STON2: variants seen among roughly 807,000 people sequenced by gnomAD.
The protein encoded by STON2 is stonin 2.
In STON2, 29 loss-of-function variants were observed where a neutral mutation model predicts 65.7. The observed-to-expected ratio is 0.44, with a 90% confidence interval of 0.33 to 0.60. The LOEUF (loss-of-function observed/expected upper bound fraction) is 0.60. STON2 is among the 20% of genes least tolerant of loss of function. The probability of loss-of-function intolerance (pLI) is 0.03; values close to 1 mark genes in which losing one functional copy is unlikely to be tolerated. For synonymous variants in STON2, 404 were observed against 414.2 expected (o/e 0.98, Z 0.30); for missense variants, 1,054 against 1,118.1 (o/e 0.94, Z 0.82).
At chr14:81,425,414 A>G (rs1452433524) in intron 2 of STON2, among the ~76,000 whole-genome samples, 5 of 152,094 alleles carry the variant, frequency 3.3e-5, no homozygotes, top group Non-Finnish European at 7.4e-5. Context: ...CTCCACTACC[A>G]ACACAAAATT....
chr14:81,266,075 C>T lies in STON2; in HGVS notation c.*2339G>A. On this transcript the variant is annotated 3_prime_UTR_variant, in exon 8 of 8. Transcript: ENST00000614646. The stretch of plus-strand genomic sequence containing the variant: ...ACTGTATTTCAAAGAGCATGAAAAA[C>T]CACTTATGAAGAAAAAGACAAATGA... 1 of 985,340 alleles carries T rather than the reference C, an allele frequency of 1.0e-6. No homozygotes were observed. The highest frequency in any genetic ancestry group is 6.1e-5 in the Admixed American group (1 of 16,278). 61.0% of individuals were successfully genotyped at this position (985,340 alleles called of 1,614,324 possible). A position where few individuals can be genotyped will look rare whatever the true frequency, so the allele number is the denominator to read the frequency against.
chr14:81,390,541 G>A (rs941800586), intron 3 of STON2, among the ~76,000 whole-genome samples: 1 of 152,130 alleles, frequency 6.6e-6, no homozygotes, highest in Non-Finnish European at 1.5e-5. Flanking sequence ...TCCAGAGCCT[G>A]GGCAACAGAG....
At chr14:81,388,905 AGG>A (rs1218088513) in intron 3 of STON2, among the ~76,000 whole-genome samples, 2 of 152,180 alleles carry the variant, frequency 1.3e-5, no homozygotes, top group African/African-American at 4.8e-5. Flanking sequence ...TGGCTAAGTA[AGG>A]TTTCACTTTT....
chr14:81,422,377 G>A (rs1183694439), intron 2 of STON2, among the ~76,000 whole-genome samples: 7 of 152,106 alleles, frequency 4.6e-5, no homozygotes, highest in Non-Finnish European at 1.0e-4. Flanking sequence ...GAACCAACCT[G>A]AAGCCCTCAC....
At chr14:81,354,298 G>A (rs573575232) in intron 4 of STON2, among the ~76,000 whole-genome samples, 1 of 152,328 alleles carries the variant, frequency 6.6e-6, no homozygotes, top group South Asian at 2.1e-4. Flanking sequence ...CAGCCATCTA[G>A]AGAATCTGAA....
rs1318256712 is a variant in STON2, at chr14:81,331,517, C to A, written c.572-7330G>T. On this transcript the variant is annotated intron_variant, in intron 4 of 7. Coordinates refer to ENST00000614646, the MANE Select transcript of STON2 (RefSeq NM_001394390.1). ...TACTACTGGGAGGGGGGGTACAGAG[C>A]CACAAACTAGTATCAGGCAAAGTTG... Among the ~76,000 whole-genome samples the A allele has an allele frequency of 2.0e-5, 3 of 152,114 alleles. No individual in the cohort carries two copies. In the East Asian group the frequency reaches 5.8e-4, roughly 29 times the overall value.
chr14:81,354,868 T>C (rs1001799712), intron 4 of STON2, among the ~76,000 whole-genome samples: 1 of 151,722 alleles, frequency 6.6e-6, no homozygotes, highest in African/African-American at 2.4e-5. Flanking sequence ...AATACAAAAA[T>C]TAGCTGGGCA....
chr14:81,269,613 G>A (rs1168794937), intron 7 of STON2: 1 of 985,148 alleles, frequency 1.0e-6, no homozygotes, highest in Non-Finnish European at 1.2e-6. Flanking sequence ...GCCACAAGAT[G>A]GAGTGTTTGT....
chr14:81,288,119 G>A (rs1324640150), intron 5 of STON2, among the ~76,000 whole-genome samples: 1 of 152,212 alleles, frequency 6.6e-6, no homozygotes, highest in Non-Finnish European at 1.5e-5. Flanking sequence ...GAGTTAACTA[G>A]TGATAGTGAA....
intron 1 of STON2, 64 bp from the exon 2 acceptor site, chr14:81,398,644 A>C: frequency 2.7e-6 from 1 of 365,698 alleles, no homozygotes; most frequent in Non-Finnish European, 4.9e-6. Flanking sequence ...CTGAATCCAC[A>C]TAGGTCTAGG....
At chr14:81,272,231 A>C (rs1357119727) in intron 6 of STON2, among the ~76,000 whole-genome samples, 3 of 152,120 alleles carry the variant, frequency 2.0e-5, no homozygotes, top group African/African-American at 7.2e-5. Flanking sequence ...CAAAACAAAA[A>C]ACAAAAAACA....
chr14:81,276,589 C>G lies in STON2; in HGVS notation c.2581+312G>C, dbSNP rs539513257. On this transcript the variant is annotated intron_variant, in intron 6 of 7. Coordinates refer to ENST00000614646, the MANE Select transcript of STON2 (RefSeq NM_001394390.1). ...ATCACTTCCAGCACCACAGCTAATA[C>G]GTTAATGAGTCCCCAAAGAATATAA... 2.6e-4 allele frequency among the ~76,000 whole-genome samples: 40 copies of G among 152,288 alleles called. No individual in the cohort carries two copies. The South Asian group carries it at 7.2e-3, about 28-fold the overall frequency.
intron 5 of STON2, among the ~76,000 whole-genome samples, chr14:81,307,624 C>T (rs1896231641): frequency 6.6e-6 from 1 of 152,170 alleles, no homozygotes; most frequent in South Asian, 2.1e-4. Flanking sequence ...CTGCACTGGT[C>T]TGCTTATATG....
At chr14:81,428,172 T>C (rs1467033117) in intron 1 of STON2, among the ~76,000 whole-genome samples, 1 of 152,184 alleles carries the variant, frequency 6.6e-6, no homozygotes, top group Non-Finnish European at 1.5e-5. Context: ...ATTTCAGCAA[T>C]GATAAAAGTT....
At chr14:81,415,482 C>T (rs1256616280) in intron 2 of STON2, among the ~76,000 whole-genome samples, 2 of 151,952 alleles carry the variant, frequency 1.3e-5, no homozygotes, top group African/African-American at 2.4e-5. Flanking sequence ...CCCTGACCCT[C>T]TGCTAGATGT....
chr14:81,413,639 CA>C (rs1156911185), intron 2 of STON2, among the ~76,000 whole-genome samples: 1 of 138,006 alleles, frequency 7.2e-6, no homozygotes, highest in Non-Finnish European at 1.5e-5. Context: ...ATTAAAAATA[CA>C]AAAAAATTAG....
chr14:81,347,229 A>T (rs759577489), intron 4 of STON2, among the ~76,000 whole-genome samples: 1 of 152,078 alleles, frequency 6.6e-6, no homozygotes. Flanking sequence ...AATCTGAAAC[A>T]AAAAAAGGAT....
chr14:81,399,691 T>C (rs1241733472), intron 1 of STON2, among the ~76,000 whole-genome samples: 1 of 152,244 alleles, frequency 6.6e-6, no homozygotes, highest in African/African-American at 2.4e-5. Flanking sequence ...CTTCACTTGA[T>C]TCAGTAGCCA....
At chr14:81,431,910 A>G (rs1286622737) in intron 1 of STON2, among the ~76,000 whole-genome samples, 2 of 152,168 alleles carry the variant, frequency 1.3e-5, no homozygotes, top group African/African-American at 4.8e-5. Context: ...ACACCACCGC[A>G]CTAAAGCCTG....
Sources: gnomAD v4.1 joint callset for allele counts (sites outside exome capture counted in the v4.1 genomes callset) on GRCh38, gnomAD v4.1.1 for gene constraint, MANE v1.5 for transcripts, NCBI Gene and HGNC (gene_info 2026-07-23, HGNC 2026-07-21) for gene names.